HS6ST3: variants seen among roughly 807,000 people sequenced by gnomAD.
HS6ST3 encodes heparan sulfate 6-O-sulfotransferase 3.
HS6ST3 carries 12 observed loss-of-function variants against 36.7 expected under a neutral mutation model. The observed-to-expected ratio is 0.33, with a 90% confidence interval of 0.21 to 0.53. HS6ST3 has a LOEUF of 0.53. Ranked by LOEUF, HS6ST3 falls within the 20% of genes least tolerant of loss-of-function variation. The probability of loss-of-function intolerance (pLI) is 0.95; values close to 1 mark genes in which losing one functional copy is unlikely to be tolerated. For synonymous variants in HS6ST3, 240 were observed against 257.5 expected, an observed-to-expected ratio of 0.93 and a Z score of 0.65; for missense variants, 584 against 640.9, an observed-to-expected ratio of 0.91 and a Z score of 0.96.
intron 1 of HS6ST3, among the ~76,000 whole-genome samples, chr13:96,605,795 T>C (rs1410220966): frequency 6.7e-6 from 1 of 149,270 alleles, no homozygotes; most frequent in African/African-American, 2.5e-5. Flanking sequence ...ACAGAGTAAA[T>C]AGGCAACTTA....
At chr13:96,481,879 C>T (rs971651670) in intron 1 of HS6ST3, among the ~76,000 whole-genome samples, 11 of 152,132 alleles carry the variant, frequency 7.2e-5, no homozygotes, top group Admixed American at 7.2e-4. Context: ...TTCTCCTTCT[C>T]TGGCCAGGCT....
intron 1 of HS6ST3, among the ~76,000 whole-genome samples, chr13:96,799,441 C>A (rs986703185): frequency 9.2e-5 from 14 of 152,082 alleles, no homozygotes; most frequent in Non-Finnish European, 1.9e-4. Context: ...CCATGGAATA[C>A]TATGCAGCCA....
At chr13:96,207,216 C>T (rs929216075) in intron 1 of HS6ST3, among the ~76,000 whole-genome samples, 9 of 152,166 alleles carry the variant, frequency 5.9e-5, no homozygotes, top group Non-Finnish European at 1.2e-4. Context: ...CTCCATATCA[C>T]TGATCATTAG....
chr13:96,328,509 C>T (rs1285226868), intron 1 of HS6ST3, among the ~76,000 whole-genome samples: 1 of 151,416 alleles, frequency 6.6e-6, no homozygotes, highest in Non-Finnish European at 1.5e-5. Flanking sequence ...GTTGAACCAG[C>T]CTTGCATCCC....
chr13:96,756,891 A>T (rs1876844544), intron 1 of HS6ST3, among the ~76,000 whole-genome samples: 1 of 152,232 alleles, frequency 6.6e-6, no homozygotes, highest in Non-Finnish European at 1.5e-5. Flanking sequence ...TGCATAAAAA[A>T]TCACTGCAAT....
At chr13:96,593,278 G>A (rs1487981096) in intron 1 of HS6ST3, among the ~76,000 whole-genome samples, 2 of 137,700 alleles carry the variant, frequency 1.5e-5, no homozygotes, top group East Asian at 2.3e-4. Flanking sequence ...CTGCCTCCTG[G>A]GATCAAGTGA....
chr13:96,578,388 C>T (rs567670385), intron 1 of HS6ST3, among the ~76,000 whole-genome samples: 1 of 152,212 alleles, frequency 6.6e-6, no homozygotes, highest in South Asian at 2.1e-4. Context: ...GATGAAGCTC[C>T]GAGCTGAAGC....
At chr13:96,273,556 A>ATC (rs1477458524) in intron 1 of HS6ST3, among the ~76,000 whole-genome samples, 1 of 151,938 alleles carries the variant, frequency 6.6e-6, no homozygotes, top group Non-Finnish European at 1.5e-5. Context: ...TTAGAACTGA[A>ATC]TCTTTGTTCC....
chr13:96,549,740 C>T (rs1329687816), intron 1 of HS6ST3, among the ~76,000 whole-genome samples: 1 of 152,016 alleles, frequency 6.6e-6, no homozygotes, highest in Non-Finnish European at 1.5e-5. Flanking sequence ...GATAGCTGTA[C>T]CAAGATGTTC....
intron 1 of HS6ST3, among the ~76,000 whole-genome samples, chr13:96,181,249 T>C (rs2139340087): frequency 6.6e-6 from 1 of 152,242 alleles, no homozygotes; most frequent in Middle Eastern, 3.4e-3. Context: ...ATTACAGACC[T>C]TTTTTTCCCC....
At chr13:96,360,945 C>CCA (rs1555300658) in intron 1 of HS6ST3, among the ~76,000 whole-genome samples, 44,965 of 130,486 alleles carry the variant, frequency 0.34, 7,786 homozygotes, top group African/African-American at 0.45. Flanking sequence ...GACCCTGTCC[C>CCA]AAAAAAAAAA....
rs548974002 is a variant in HS6ST3, at chr13:96,517,374, T to C, written c.708-315116T>C. Among the ~76,000 whole-genome samples the C allele has an allele frequency of 5.3e-4, 81 of 152,268 alleles. 1 individual carries two copies. Among genetic ancestry groups the C allele is most frequent in the African/African-American group, 1.9e-3 (79 of 41,550 alleles). On this transcript the variant is annotated intron_variant, in intron 1 of 1. Coordinates refer to ENST00000376705, the MANE Select transcript of HS6ST3 (RefSeq NM_153456.4). ...CAGCATAGGCAACAGAGCAAGACCCTGTCTCAAACAACAGTAACAACAAAA... is the reference window on the plus strand; with the variant it reads ...CAGCATAGGCAACAGAGCAAGACCCCGTCTCAAACAACAGTAACAACAAAA...
chr13:96,574,463 A>C (rs1594810059), intron 1 of HS6ST3: 1 of 462,980 alleles, frequency 2.2e-6, no homozygotes, highest in East Asian at 5.5e-5. Context: ...CTGTTTCCAG[A>C]ACCATACTCT....
chr13:96,741,236 A>C (rs1352574102), intron 1 of HS6ST3, among the ~76,000 whole-genome samples: 1 of 152,162 alleles, frequency 6.6e-6, no homozygotes, highest in African/African-American at 2.4e-5. Flanking sequence ...CAACATTTTC[A>C]CAATCCCGAA....
At chr13:96,410,670 T>A (rs1013164097) in intron 1 of HS6ST3, among the ~76,000 whole-genome samples, 17 of 152,184 alleles carry the variant, frequency 1.1e-4, no homozygotes, top group Admixed American at 2.0e-4. Flanking sequence ...TTCAATGTAA[T>A]ATTAGTTAAC....
chr13:96,437,609 G>A (rs530053452), intron 1 of HS6ST3, among the ~76,000 whole-genome samples: 1 of 152,300 alleles, frequency 6.6e-6, no homozygotes, highest in Non-Finnish European at 1.5e-5. Flanking sequence ...GTAAAAACAA[G>A]GGATCAGAAA....
At chr13:96,525,329 G>A (rs1437475473) in intron 1 of HS6ST3, among the ~76,000 whole-genome samples, 1 of 152,134 alleles carries the variant, frequency 6.6e-6, no homozygotes, top group African/African-American at 2.4e-5. Context: ...CTAGAATAAA[G>A]ATGGGAGGTT....
intron 1 of HS6ST3, among the ~76,000 whole-genome samples, chr13:96,386,659 G>A (rs1435558722): frequency 6.6e-6 from 1 of 152,082 alleles, no homozygotes; most frequent in Non-Finnish European, 1.5e-5. Flanking sequence ...AAGGTCAAGA[G>A]ATCAAGACCA....
At chr13:96,674,788 C>T (rs2056693702) in intron 1 of HS6ST3, among the ~76,000 whole-genome samples, 1 of 152,140 alleles carries the variant, frequency 6.6e-6, no homozygotes, top group Non-Finnish European at 1.5e-5. Flanking sequence ...CTCTGTTCCT[C>T]CTCCTATGCG....
Sources: allele counts gnomAD v4.1 joint callset (sites outside exome capture counted in the v4.1 genomes callset), GRCh38; gene constraint gnomAD v4.1.1; transcripts MANE v1.5; gene names NCBI Gene and HGNC (gene_info 2026-07-23, HGNC 2026-07-21).